GLDN: variants seen among roughly 807,000 people sequenced by gnomAD.
The protein encoded by GLDN is gliomedin.
Under a neutral mutation model 56.5 loss-of-function variants are expected in GLDN, and 47 were observed. The ratio of observed to expected loss-of-function variants is 0.83; its 90% CI spans 0.66 to 1.06. The LOEUF is 1.06. Among genes scored for constraint, GLDN ranks in the 50% least tolerant of loss-of-function variants. The pLI, the probability that GLDN is intolerant of heterozygous loss-of-function variation, is 0.00. For synonymous variants in GLDN, 332 were observed against 278.8 expected (o/e 1.19, Z -1.90); for missense variants, 782 against 714.3 (o/e 1.09, Z -1.08).
At chr15:51,392,070 G>GA (rs759418174) in intron 4 of GLDN, among the ~76,000 whole-genome samples, 3 of 152,228 alleles carry the variant, frequency 2.0e-5, no homozygotes, top group Non-Finnish European at 4.4e-5. Flanking sequence ...ATAGTCTGCA[G>GA]ACAGTTCCTT....
intron 4 of GLDN, among the ~76,000 whole-genome samples, chr15:51,386,231 A>G (rs906492898): frequency 6.0e-4 from 92 of 152,270 alleles, no homozygotes; most frequent in Admixed American, 5.0e-3. Flanking sequence ...GTGGAAGTTG[A>G]GTCCCCGAGG....
Position 51,404,576 on chromosome 15 carries a change from C to T in GLDN, c.1478C>T (p.Thr493Ile). Reference protein sequence around the residue: ...YVTDTKDMRVTFAFDLLGGKQ... With the variant: ...YVTDTKDMRVIFAFDLLGGKQ... ...ACAGACACCAAAGATATGAGGGTCA[C>T]ATTTGCCTTTGATTTGTTAGGAGGG... The change falls in exon 10 of 10, where the codon ACA becomes ATA. Residue 493 changes from threonine (T) to isoleucine (I), a missense_variant. Physicochemically the swap from Thr to Ile is moderately conservative, Grantham distance 89. Coordinates refer to ENST00000335449, the MANE Select transcript of GLDN (RefSeq NM_181789.4). 6.2e-7 allele frequency: 1 copy of T among 1,614,208 alleles called. No individual in the cohort carries two copies. Among genetic ancestry groups the T allele is most frequent in the South Asian group, 1.1e-5 (1 of 91,084 alleles).
intron 1 of GLDN, among the ~76,000 whole-genome samples, chr15:51,343,353 G>A (rs2036919789): frequency 7.4e-6 from 1 of 135,028 alleles, no homozygotes; most frequent in Non-Finnish European, 1.5e-5. Flanking sequence ...ACTGCTATAA[G>A]ATGAAAAAAA....
At chr15:51,397,745 A>G in intron 6 of GLDN, 147 bp downstream of exon 6, 1 of 1,088,826 alleles carries the variant, frequency 9.2e-7, no homozygotes, top group Non-Finnish European at 1.2e-6. Context: ...CAAACTTCTC[A>G]CAGGAGTTCT....
At chr15:51,388,117 G>A (rs2037939796) in intron 4 of GLDN, among the ~76,000 whole-genome samples, 1 of 152,104 alleles carries the variant, frequency 6.6e-6, no homozygotes, top group Non-Finnish European at 1.5e-5. Flanking sequence ...GCAGGTCTTA[G>A]CTCAGATGTC....
intron 2 of GLDN, among the ~76,000 whole-genome samples, chr15:51,380,837 C>T (rs990948338): frequency 6.6e-6 from 1 of 152,172 alleles, no homozygotes; most frequent in African/African-American, 2.4e-5. Flanking sequence ...AGCTCTGGAC[C>T]TTTTTAGGAT....
intron 4 of GLDN, among the ~76,000 whole-genome samples, chr15:51,394,437 A>T (rs1222943390): frequency 6.6e-6 from 1 of 151,974 alleles, no homozygotes; most frequent in East Asian, 1.9e-4. Flanking sequence ...ACATGGCAAA[A>T]CCCTGTCTCT....
intron 2 of GLDN, among the ~76,000 whole-genome samples, chr15:51,378,917 C>T (rs939267119): frequency 1.3e-5 from 2 of 152,104 alleles, no homozygotes; most frequent in African/African-American, 2.4e-5. Context: ...GGTCTCGAGC[C>T]CTAAGAGGAT....
At chr15:51,400,536 A>G (rs370260835) in intron 8 of GLDN, 38 bp downstream of exon 8, 18 of 1,597,312 alleles carry the variant, frequency 1.1e-5, no homozygotes, top group Non-Finnish European at 1.5e-5. Flanking sequence ...TCTGTGTGGT[A>G]ACTGTATTTT....
chr15:51,349,248 A>G (rs2037032627), intron 1 of GLDN, among the ~76,000 whole-genome samples: 1 of 152,254 alleles, frequency 6.6e-6, no homozygotes, highest in South Asian at 2.1e-4. Context: ...ACCTACAGTC[A>G]CAGCTCCTGT....
rs937893374 is a variant in GLDN, at chr15:51,383,455, T to A, written c.433+2T>A. The A allele has an allele frequency of 1.2e-6, 2 of 1,613,792 alleles. No individual in the cohort carries two copies. Among genetic ancestry groups the A allele is most frequent in the Non-Finnish European group, 1.7e-6 (2 of 1,179,934 alleles). On this transcript the variant is annotated splice_donor_variant, in intron 3 of 9. Transcript: ENST00000335449. LOFTEE classifies it high-confidence loss of function. ...TTGTAGGACCTTCTGGACCACCAGG[T>A]AAGAGCCCATGGATTTTCTAGTTCA...
intron 5 of GLDN, among the ~76,000 whole-genome samples, 178 bp from the exon 6 acceptor site, chr15:51,397,292 C>T (rs2038150745): frequency 6.6e-6 from 1 of 151,782 alleles, no homozygotes; most frequent in African/African-American, 2.4e-5. Context: ...CCCTTCTTCC[C>T]ACCCTCTCTC....
chr15:51,342,077 C>G (rs1169502034), intron 1 of GLDN, 30 bp downstream of exon 1: 1 of 1,588,858 alleles, frequency 6.3e-7, no homozygotes, highest in East Asian at 2.3e-5. Flanking sequence ...CCCGTGGCGC[C>G]CCGGCCAGGT....
Position 51,353,729 on chromosome 15 carries a change from A to AC in GLDN, c.363+11682_363+11683insC, listed in dbSNP as rs1566935721. The stretch of plus-strand genomic sequence containing the variant: ...CGGATTTGATTAAAAAAAAAAAAAA[A>AC]AAAAACCACAGTCAATTAAAAAAAA... On this transcript the variant is annotated intron_variant, in intron 1 of 9. Transcript: ENST00000335449. 7.5e-5 allele frequency among the ~76,000 whole-genome samples: 11 copies of AC among 145,970 alleles called. 1 individual carries two copies. In the East Asian group the frequency reaches 2.4e-3, roughly 32 times the overall value.
At chr15:51,395,238 T>C (rs1232426932) in intron 5 of GLDN, among the ~76,000 whole-genome samples, 1 of 152,230 alleles carries the variant, frequency 6.6e-6, no homozygotes, top group African/African-American at 2.4e-5. Flanking sequence ...CCAATTTCAA[T>C]ATTTCTTTTC....
chr15:51,341,722 G>T lies in GLDN; in HGVS notation c.38G>T (p.Gly13Val). ...RGAEGGRGDAGWGLRGALAAV... is the reference protein window; with the variant it reads ...RGAEGGRGDAVWGLRGALAAV... The stretch of plus-strand genomic sequence containing the variant: ...GCTGAGGGAGGCCGTGGGGACGCGG[G>T]TTGGGGCCTGCGTGGCGCCCTGGCG... The change falls in exon 1 of 10, where the codon GGT becomes GTT. Residue 13 changes from glycine (G) to valine (V), a missense_variant. Physicochemically the swap from Gly to Val is moderately radical, Grantham distance 109. Coordinates refer to ENST00000335449, the MANE Select transcript of GLDN (RefSeq NM_181789.4). 1 of 1,446,368 alleles carries T rather than the reference G, an allele frequency of 6.9e-7. No homozygotes were observed. The highest frequency in any genetic ancestry group is 1.5e-5 in the South Asian group (1 of 68,560). 89.6% of individuals were successfully genotyped at this position (1,446,368 alleles called of 1,614,324 possible).
chr15:51,398,235 A>G (rs987694454), intron 6 of GLDN, among the ~76,000 whole-genome samples: 1 of 152,244 alleles, frequency 6.6e-6, no homozygotes, highest in African/African-American at 2.4e-5. Context: ...TCTTCCATTT[A>G]GATAGAAATT....
intron 2 of GLDN, among the ~76,000 whole-genome samples, chr15:51,379,458 T>C (rs193075319): frequency 6.6e-6 from 1 of 152,374 alleles, no homozygotes; most frequent in Non-Finnish European, 1.5e-5. Flanking sequence ...AATCCAGTTA[T>C]GATACGTGTC....
downstream of GLDN, among the ~76,000 whole-genome samples, chr15:51,410,017 G>C (rs570837388): frequency 1.3e-5 from 2 of 152,052 alleles, no homozygotes; most frequent in African/African-American, 4.8e-5. Flanking sequence ...AGATACACAC[G>C]CCCAAGTCCA....
Sources: allele counts gnomAD v4.1 joint callset (sites outside exome capture counted in the v4.1 genomes callset), GRCh38; gene constraint gnomAD v4.1.1; transcripts MANE v1.5; gene names NCBI Gene and HGNC (gene_info 2026-07-23, HGNC 2026-07-21).